PAPPA2: variants seen among roughly 807,000 people sequenced by gnomAD.
PAPPA2 encodes the protein pappalysin 2.
In PAPPA2, 86 loss-of-function variants were observed where a neutral mutation model predicts 176.4. The ratio of observed to expected loss-of-function variants is 0.49; its 90% CI spans 0.41 to 0.58. The LOEUF (loss-of-function observed/expected upper bound fraction) is 0.58. Among genes scored for constraint, PAPPA2 ranks in the 20% least tolerant of loss-of-function variants. The pLI is 0.00. For synonymous variants in PAPPA2, 809 were observed against 852.2 expected (o/e 0.95, Z 0.88); for missense variants, 2,073 against 2,256.9 (o/e 0.92, Z 1.65).
intron 3 of PAPPA2, among the ~76,000 whole-genome samples, chr1:176,661,192 T>C (rs1051719478): frequency 6.6e-6 from 1 of 152,012 alleles, no homozygotes; most frequent in African/African-American, 2.4e-5. Context: ...AAATCAAATA[T>C]TGAAAACACA....
intron 1 of PAPPA2, among the ~76,000 whole-genome samples, chr1:176,522,097 G>A (rs1450008766): frequency 6.6e-6 from 1 of 152,120 alleles, no homozygotes; most frequent in African/African-American, 2.4e-5. Flanking sequence ...AAGTCTCACT[G>A]TTTCTTTTAT....
intron 1 of PAPPA2, among the ~76,000 whole-genome samples, chr1:176,530,526 T>C (rs1649752131): frequency 6.6e-6 from 1 of 152,182 alleles, no homozygotes; most frequent in South Asian, 2.1e-4. Flanking sequence ...GTAACTATTG[T>C]CCATTTTTAG....
chr1:176,768,555 T>C (rs1053283711), intron 15 of PAPPA2, among the ~76,000 whole-genome samples: 16 of 152,318 alleles, frequency 1.1e-4, no homozygotes, highest in African/African-American at 3.4e-4. Flanking sequence ...TTTCCTTCTT[T>C]ACTTTCTTTT....
At chr1:176,650,868 T>A (rs1369623158) in intron 3 of PAPPA2, among the ~76,000 whole-genome samples, 3 of 151,692 alleles carry the variant, frequency 2.0e-5, no homozygotes, top group Non-Finnish European at 3.0e-5. Context: ...CCTAGATCTA[T>A]TATAGGCTTT....
intron 1 of PAPPA2, among the ~76,000 whole-genome samples, chr1:176,468,592 A>G (rs895234727): frequency 3.9e-5 from 6 of 152,126 alleles, no homozygotes; most frequent in Admixed American, 3.3e-4. Context: ...GGGGGTTCAG[A>G]GGCAGGTGTG....
At chr1:176,657,075 T>A (rs144317242) in intron 3 of PAPPA2, among the ~76,000 whole-genome samples, 22 of 151,966 alleles carry the variant, frequency 1.4e-4, no homozygotes, top group Admixed American at 7.2e-4. Flanking sequence ...TGTGGCTTAA[T>A]TGGGGAGTCC....
Position 176,840,202 on chromosome 1 carries a change from T to G in PAPPA2, c.5232T>G (p.Thr1744=). 6.2e-7 allele frequency: 1 copy of G among 1,613,426 alleles called. No individual in the cohort carries two copies. ...EPFQADGWCD[T]INNRAYCHYD... ...TCCAAGCAGATGGTTGGTGTGACAC[T>G]ATCAACAACCGAGCCTACTGCCACT... Residue 1744 remains threonine (T), a synonymous_variant, in exon 22 of 23, where the codon ACT becomes ACG. Coordinates refer to ENST00000367662, the MANE Select transcript of PAPPA2 (RefSeq NM_020318.3).
chr1:176,493,069 A>T (rs1647382423), intron 1 of PAPPA2, among the ~76,000 whole-genome samples: 1 of 152,238 alleles, frequency 6.6e-6, no homozygotes, highest in Non-Finnish European at 1.5e-5. Flanking sequence ...CTAACCAATT[A>T]TGACTTTCAG....
Position 176,789,859 on chromosome 1 carries a change from G to A in PAPPA2, c.4766G>A (p.Ser1589Asn), listed in dbSNP as rs189427122. The change falls in exon 18 of 23, where the codon AGC (serine) becomes AAC (asparagine). Residue 1589 changes from serine (S) to asparagine (N), a missense_variant. Ser to Asn is a conservative substitution (Grantham distance 46, BLOSUM62 1). Around this residue, in one of 4 missense-constraint regions of PAPPA2, gnomAD observed 846 missense variants for 857.9 expected, o/e 0.99. Transcript: ENST00000367662. ...CLEGGIWEQG[S>N]CIPVVCEPPP... ...GAAGGTGGAATCTGGGAGCAAGGCA[G>A]CTGCATTCCTGTGGTGTGTGAGCCA... 1 of 1,614,122 alleles carries A rather than the reference G, an allele frequency of 6.2e-7. No homozygotes were observed. The highest frequency in any genetic ancestry group is 1.3e-5 in the African/African-American group (1 of 75,056).
intron 21 of PAPPA2, among the ~76,000 whole-genome samples, chr1:176,810,423 A>C (rs937941239): frequency 2.0e-5 from 3 of 152,086 alleles, no homozygotes; most frequent in African/African-American, 7.2e-5. Flanking sequence ...TCAGGATAAA[A>C]CTATTTCACA....
intron 17 of PAPPA2, 65 bp from the exon 18 acceptor site, chr1:176,789,744 G>A (rs1665090909): frequency 2.0e-6 from 3 of 1,529,324 alleles, no homozygotes; most frequent in Non-Finnish European, 2.7e-6. Context: ...TATTGCTGAG[G>A]ATCAAGTCTT....
At chr1:176,706,159 A>G (rs577524294) in intron 9 of PAPPA2, among the ~76,000 whole-genome samples, 200 bp from the exon 10 acceptor site, 2 of 152,290 alleles carry the variant, frequency 1.3e-5, no homozygotes, top group East Asian at 3.9e-4. Flanking sequence ...CCAACCACCA[A>G]TCATTGCTTA....
At position 176,476,488 on chromosome 1, in the gene PAPPA2, T is replaced by C. The variant is rs75540847; in HGVS notation, c.-917+13070T>C. ...CCTATTTCTGTGCAACTTGTTTTAT[T>C]GTAATGGGACAGTGTCAGGGATGGA... On this transcript the variant is annotated intron_variant, in intron 1 of 22. Coordinates refer to ENST00000367662, the MANE Select transcript of PAPPA2 (RefSeq NM_020318.3). Among the ~76,000 whole-genome samples the C allele has an allele frequency of 5.0e-3, 755 of 152,342 alleles. 7 individuals carry two copies. Among genetic ancestry groups the C allele is most frequent in the African/African-American group, 0.018 (732 of 41,576 alleles).
At chr1:176,713,627 T>C (rs1361470627) in intron 12 of PAPPA2, among the ~76,000 whole-genome samples, 1 of 152,204 alleles carries the variant, frequency 6.6e-6, no homozygotes, top group Non-Finnish European at 1.5e-5. Context: ...TTTAAAGCAT[T>C]GCTAATTCTT....
intron 1 of PAPPA2, among the ~76,000 whole-genome samples, chr1:176,493,142 C>A (rs897964827): frequency 6.6e-6 from 1 of 152,156 alleles, no homozygotes; most frequent in African/African-American, 2.4e-5. Context: ...GATTATGATT[C>A]CATGATATGG....
At chr1:176,694,251 C>G (rs1369514484) in intron 6 of PAPPA2, among the ~76,000 whole-genome samples, 2 of 152,170 alleles carry the variant, frequency 1.3e-5, no homozygotes, top group African/African-American at 4.8e-5. Flanking sequence ...GAAGTGAGTG[C>G]TGATTGGAGT....
intron 10 of PAPPA2, among the ~76,000 whole-genome samples, chr1:176,709,168 C>T (rs1480897038): frequency 6.6e-6 from 1 of 152,108 alleles, no homozygotes; most frequent in Non-Finnish European, 1.5e-5. Context: ...AGTATATTTT[C>T]TTAGATATTC....
At chr1:176,694,637 A>G (rs1343792718) in intron 6 of PAPPA2, among the ~76,000 whole-genome samples, 3 of 152,226 alleles carry the variant, frequency 2.0e-5, no homozygotes, top group Admixed American at 6.5e-5. Context: ...GATTCTAAGC[A>G]TCAGAGGCAA....
At chr1:176,546,940 G>A (rs991665217) in intron 1 of PAPPA2, among the ~76,000 whole-genome samples, 4 of 152,102 alleles carry the variant, frequency 2.6e-5, no homozygotes, top group African/African-American at 9.7e-5. Context: ...CAAAAATGGT[G>A]TCATTGAAAT....
Sources: gnomAD v4.1 joint callset for allele counts (sites outside exome capture counted in the v4.1 genomes callset) on GRCh38, gnomAD v4.1.1 for gene constraint, gnomAD v4.1.1 regional missense constraint, MANE v1.5 for transcripts, NCBI Gene and HGNC (gene_info 2026-07-23, HGNC 2026-07-21) for gene names.